Variants in NXPE4 observed in about 807,000 individuals in gnomAD.
NXPE4 encodes neurexophilin and PC-esterase domain family member 4.
NXPE4 carries 42 observed loss-of-function variants against 33.3 expected under a neutral mutation model. The ratio of observed to expected loss-of-function variants is 1.26; its 90% CI spans 0.98 to 1.63. The LOEUF is 1.63. NXPE4 is among the 40% of genes most tolerant of loss of function. The pLI, the probability that NXPE4 is intolerant of heterozygous loss-of-function variation, is 0.00. For synonymous variants in NXPE4, 253 were observed against 234.9 expected, an observed-to-expected ratio of 1.08 and a Z score of -0.71; for missense variants, 709 against 647.6, an observed-to-expected ratio of 1.09 and a Z score of -1.03.
At chr11:114,629,928 C>T in the NXPE4 span, among the ~76,000 whole-genome samples, 1 of 150,260 alleles carries the variant, frequency 6.7e-6, no homozygotes, top group South Asian at 2.1e-4. Flanking sequence ...ACAATTGCTT[C>T]AAAGATAATA....
chr11:114,632,415 A>G, the NXPE4 span, among the ~76,000 whole-genome samples: 1,050 of 132,154 alleles, frequency 7.9e-3, 16 homozygotes, highest in African/African-American at 0.027. Context: ...ATATAATTTT[A>G]TATAATATAA....
chr11:114,580,638 A>G (rs573818040), intron 4 of NXPE4, among the ~76,000 whole-genome samples: 25 of 152,334 alleles, frequency 1.6e-4, no homozygotes, highest in African/African-American at 6.0e-4. Context: ...CTATGAAACT[A>G]AAGTCATCAA....
chr11:114,616,815 C>A, the NXPE4 span, among the ~76,000 whole-genome samples: 3 of 151,798 alleles, frequency 2.0e-5, no homozygotes, highest in Admixed American at 6.6e-5. Context: ...TAAGTGTTGC[C>A]TCGTTGGTAA....
the NXPE4 span, among the ~76,000 whole-genome samples, chr11:114,642,510 G>A: frequency 6.6e-6 from 1 of 151,862 alleles, no homozygotes; most frequent in African/African-American, 2.4e-5. Context: ...ACTTATGAGT[G>A]ACAACATGCA....
chr11:114,630,974 A>C, the NXPE4 span, among the ~76,000 whole-genome samples: 1 of 150,960 alleles, frequency 6.6e-6, no homozygotes, highest in Non-Finnish European at 1.5e-5. Flanking sequence ...CCACAATGAG[A>C]TACCATCTCA....
At chr11:114,647,429 C>G in the NXPE4 span, among the ~76,000 whole-genome samples, 2 of 152,130 alleles carry the variant, frequency 1.3e-5, no homozygotes, top group Non-Finnish European at 2.9e-5. Context: ...GTAAAACTAT[C>G]TAAATCTATC....
At chr11:114,577,260 G>A (rs2135201764) in intron 5 of NXPE4, among the ~76,000 whole-genome samples, 1 of 151,226 alleles carries the variant, frequency 6.6e-6, no homozygotes, top group South Asian at 2.1e-4. Context: ...CAACCTGGAT[G>A]GAATGGGAGG....
chr11:114,577,181 A>T (rs1949030145), intron 5 of NXPE4, among the ~76,000 whole-genome samples: 1 of 139,906 alleles, frequency 7.1e-6, no homozygotes, highest in Non-Finnish European at 1.6e-5. Context: ...TATATATATA[A>T]AATGTTATAC....
At chr11:114,590,747 C>A (rs908112245) in intron 2 of NXPE4, among the ~76,000 whole-genome samples, 9 of 152,206 alleles carry the variant, frequency 5.9e-5, no homozygotes, top group Non-Finnish European at 1.3e-4. Flanking sequence ...GGATGGCCAG[C>A]ATGCCTCTGA....
chr11:114,586,969 C>T (rs772100588), intron 2 of NXPE4, among the ~76,000 whole-genome samples: 6 of 152,266 alleles, frequency 3.9e-5, no homozygotes, highest in African/African-American at 9.6e-5. Context: ...CCCCACACCC[C>T]CTGTGAACAT....
chr11:114,598,953 C>T (rs1949608922), upstream of NXPE4, among the ~76,000 whole-genome samples: 3 of 152,198 alleles, frequency 2.0e-5, no homozygotes, highest in Non-Finnish European at 2.9e-5. Context: ...CTGCAGCCTT[C>T]CTGAATTCCT....
At chr11:114,652,737 C>T in the NXPE4 span, among the ~76,000 whole-genome samples, 1 of 143,512 alleles carries the variant, frequency 7.0e-6, no homozygotes, top group African/African-American at 2.5e-5. Context: ...AGTGATAGAG[C>T]ACAGTCAAGA....
chr11:114,656,967 A>C, the NXPE4 span, among the ~76,000 whole-genome samples: 1 of 152,184 alleles, frequency 6.6e-6, no homozygotes, highest in Admixed American at 6.5e-5. Context: ...GGTGGTGGAC[A>C]CCTGTAGTTC....
At chr11:114,645,193 A>G in the NXPE4 span, among the ~76,000 whole-genome samples, 2 of 151,942 alleles carry the variant, frequency 1.3e-5, no homozygotes, top group East Asian at 1.9e-4. Flanking sequence ...TCTCAGCTAC[A>G]CAGAGGCTGA....
intron 2 of NXPE4, chr11:114,583,910 A>G: frequency 5.0e-6 from 2 of 396,156 alleles, no homozygotes; most frequent in Non-Finnish European, 9.8e-6. Flanking sequence ...TGGCAAAGGC[A>G]GATATTATGC....
the NXPE4 span, among the ~76,000 whole-genome samples, chr11:114,675,398 T>G: frequency 1.3e-5 from 2 of 151,762 alleles, no homozygotes; most frequent in Admixed American, 6.6e-5. Context: ...AGCTTATATA[T>G]AGAGAACTCT....
At chr11:114,632,201 CATATT>C in the NXPE4 span, among the ~76,000 whole-genome samples, 1 of 138,764 alleles carries the variant, frequency 7.2e-6, no homozygotes, top group African/African-American at 2.6e-5. Flanking sequence ...ATCATATATA[CATATT>C]ATATATGTAT....
the NXPE4 span, among the ~76,000 whole-genome samples, chr11:114,614,193 C>A: frequency 6.9e-6 from 1 of 144,882 alleles, no homozygotes; most frequent in Non-Finnish European, 1.5e-5. Flanking sequence ...GGATATTATC[C>A]ACCATGTAAT....
intron 5 of NXPE4, among the ~76,000 whole-genome samples, chr11:114,577,611 T>G (rs548805258): frequency 3.9e-5 from 6 of 152,302 alleles, no homozygotes; most frequent in African/African-American, 1.2e-4. Flanking sequence ...CACGCCACCT[T>G]ATAGAATCAT....
Sources: allele counts gnomAD v4.1 joint callset (sites outside exome capture counted in the v4.1 genomes callset), GRCh38; gene constraint gnomAD v4.1.1; transcripts MANE v1.5; gene names NCBI Gene and HGNC (gene_info 2026-07-23, HGNC 2026-07-21).